PC: variants seen among roughly 807,000 people sequenced by gnomAD.
PC encodes pyruvate carboxylase.
Under a neutral mutation model 107.8 loss-of-function variants are expected in PC, and 46 were observed. That is an observed-to-expected ratio of 0.43 (90% CI 0.34 to 0.55). The LOEUF (loss-of-function observed/expected upper bound fraction) is 0.55. Ranked by LOEUF, PC falls within the 20% of genes least tolerant of loss-of-function variation. The pLI is 0.04. For missense variants in PC, 1,241 were observed against 1,643.1 expected (o/e 0.76, Z 4.23); for synonymous variants, 662 against 684.7 (o/e 0.97, Z 0.52).
rs745677173 is a variant in PC, at chr11:66,849,338, G to A, written c.3180C>T (p.Ile1060=). The change falls in exon 22 of 23, where the codon ATC becomes ATT. Residue 1060 remains isoleucine (I), a synonymous_variant. Transcript: ENST00000393960. ...VELERGKTLH[I]KALAVSDLNR... Reference sequence around the variant, plus strand: ...TCAGGTCGCTCACGGCCAGGGCTTTGATGTGCAGCGTCTTGCCCCGCTCCA... The same window carrying A: ...TCAGGTCGCTCACGGCCAGGGCTTTAATGTGCAGCGTCTTGCCCCGCTCCA... 10 of 1,613,416 alleles carry A rather than the reference G, an allele frequency of 6.2e-6. No individual in the cohort carries two copies. Among genetic ancestry groups the A allele is most frequent in the Non-Finnish European group, 8.5e-6 (10 of 1,180,036 alleles).
At chr11:66,860,651 G>A (rs1157994790) in intron 12 of PC, 3 of 701,730 alleles carry the variant, frequency 4.3e-6, no homozygotes, top group Non-Finnish European at 5.2e-6. Flanking sequence ...GCCAAGGGCT[G>A]TGCCTGGTGT....
chr11:66,869,704 A>T (rs1455180395), intron 9 of PC, among the ~76,000 whole-genome samples: 1 of 152,110 alleles, frequency 6.6e-6, no homozygotes, highest in African/African-American at 2.4e-5. Flanking sequence ...GCCAGGGAAG[A>T]AGAGGGGGCA....
chr11:66,938,428 TC>T (rs1207615577), intron 3 of PC, among the ~76,000 whole-genome samples: 1 of 152,054 alleles, frequency 6.6e-6, no homozygotes, highest in Non-Finnish European at 1.5e-5. Flanking sequence ...GAGGTTTTCA[TC>T]CCCCAAAACA....
In PC at chr11:66,899,207, T is replaced by C. The variant is rs541417129; in HGVS notation, c.1-27048A>G. On this transcript the variant is annotated intron_variant, in intron 3 of 22. Transcript: ENST00000393960. ...TTCATATCAACAGAATCATAAATTA[T>C]GTGGGTTTTGGGTCTGGCTTCTTTC... Among the ~76,000 whole-genome samples, 81 of 152,220 alleles carry C rather than the reference T, an allele frequency of 5.3e-4. 2 individuals carry two copies. The highest frequency in any genetic ancestry group is 1.8e-3 in the African/African-American group (74 of 41,526).
At position 66,944,549 on chromosome 11, in the gene PC, T is replaced by C. The variant is rs757462668; in HGVS notation, c.-1+7881A>G. Among the ~76,000 whole-genome samples the C allele has an allele frequency of 1.6e-4, 18 of 115,206 alleles. 3 individuals are homozygous for C. The highest frequency in any genetic ancestry group is 3.5e-4 in the Non-Finnish European group (18 of 51,934). 75.6% of individuals were successfully genotyped at this position (115,206 alleles called of 152,430 possible). A position where few individuals can be genotyped will look rare whatever the true frequency, so the allele number is the denominator to read the frequency against. ...AGCCGAGATTGCACCACTGCATCCATCCTGGGTGACACAGCAAGACTGTCT... is the reference window on the plus strand; with the variant it reads ...AGCCGAGATTGCACCACTGCATCCACCCTGGGTGACACAGCAAGACTGTCT... On this transcript the variant is annotated intron_variant, in intron 3 of 22. Coordinates refer to ENST00000393960, the MANE Select transcript of PC (RefSeq NM_001040716.2).
At chr11:66,882,384 A>G (rs911101655) in intron 3 of PC, among the ~76,000 whole-genome samples, 1 of 152,230 alleles carries the variant, frequency 6.6e-6, no homozygotes, top group Non-Finnish European at 1.5e-5. Context: ...CTCAGAGGGC[A>G]GCAGTGGGCA....
intron 3 of PC, among the ~76,000 whole-genome samples, chr11:66,895,309 G>A (rs1947715886): frequency 6.6e-6 from 1 of 152,100 alleles, no homozygotes; most frequent in Admixed American, 6.5e-5. Context: ...ATCATGTACT[G>A]GTAAACTCAG....
At chr11:66,877,032 C>CTGAGCATCA (rs1291404603) in intron 3 of PC, among the ~76,000 whole-genome samples, 1 of 152,234 alleles carries the variant, frequency 6.6e-6, no homozygotes, top group African/African-American at 2.4e-5. Flanking sequence ...GCAGGCACTG[C>CTGAGCATCA]TGAGCATCAC....
chr11:66,849,045 C>T lies in PC; in HGVS notation c.3391G>A (p.Val1131Met), dbSNP rs116518022. ...IDIKVVAGAK[V>M]AKGQPLCVLS... ...ACACACAGGGGCTGGCCCTTGGCCA[C>T]CTTGGCCCCTGCCACCACTTTGATG... Residue 1131 changes from valine (V) to methionine (M), a missense_variant, in exon 23 of 23, where the codon GTG becomes ATG. Around this residue, in one of 2 missense-constraint regions of PC, gnomAD observed 98 missense variants for 91.2 expected, o/e 1.07. Coordinates refer to ENST00000393960, the MANE Select transcript of PC (RefSeq NM_001040716.2). The T allele has an allele frequency of 9.2e-5, 149 of 1,614,062 alleles. No individual in the cohort carries two copies. In the African/African-American group the frequency reaches 1.8e-3, roughly 19 times the overall value.
At chr11:66,948,071 G>A (rs1201963144) in intron 3 of PC, among the ~76,000 whole-genome samples, 5 of 148,312 alleles carry the variant, frequency 3.4e-5, no homozygotes, top group South Asian at 2.1e-4. Context: ...AGATATGCCA[G>A]GCGTAGTGGC....
At chr11:66,873,503 A>C (rs1467201423) in intron 3 of PC, among the ~76,000 whole-genome samples, 2 of 8,380 alleles carry the variant, frequency 2.4e-4, no homozygotes, top group African/African-American at 7.3e-4. Context: ...ATATTATATA[A>C]TATTATATAT....
At position 66,858,531 on chromosome 11, in the gene PC, CTGGCCGGCCGCTACTT is replaced by C; in HGVS notation, c.1369-5164_1369-5149del. 2 of 1,533,890 alleles carry C rather than the reference CTGGCCGGCCGCTACTT, an allele frequency of 1.3e-6. No homozygotes were observed. The highest frequency in any genetic ancestry group is 1.7e-6 in the Non-Finnish European group (2 of 1,145,388). ...GGAAACGTGCGCCTCCCCGCCCGGC[CTGGCCGGCCGCTACTT>C]CTGGGCAGTGCCCGAGGGCGAGTTC... On this transcript the variant is annotated intron_variant, in intron 12 of 22. Coordinates refer to ENST00000393960, the MANE Select transcript of PC (RefSeq NM_001040716.2). The surrounding 1 kb of genome is among the most constrained non-coding windows in gnomAD (Gnocchi z 5.9).
In PC at chr11:66,849,259, T is replaced by A; in HGVS notation, c.3259A>T (p.Ile1087Phe). 1 of 1,613,682 alleles carries A rather than the reference T, an allele frequency of 6.2e-7. No individual in the cohort carries two copies. ...ATGGCCTGGGTGTCCTTGACCAAGA[T>A]GGACCGCAGCTGCCCATTGAGCTCA... is the stretch of plus-strand genomic sequence containing the variant. Reference protein sequence around the residue: ...FFELNGQLRSILVKDTQAMKE... With the variant: ...FFELNGQLRSFLVKDTQAMKE... Residue 1087 changes from isoleucine (I) to phenylalanine (F), a missense_variant, in exon 22 of 23, where the codon ATC (isoleucine) becomes TTC (phenylalanine). Around this residue, in one of 2 missense-constraint regions of PC, gnomAD observed 1,143 missense variants for 1,551.9 expected, o/e 0.74. Coordinates refer to ENST00000393960, the MANE Select transcript of PC (RefSeq NM_001040716.2).
chr11:66,939,399 A>G (rs1224920387), intron 3 of PC, among the ~76,000 whole-genome samples: 1 of 152,140 alleles, frequency 6.6e-6, no homozygotes, highest in Non-Finnish European at 1.5e-5. Context: ...TCTTGGAACC[A>G]GTCCCCAGGG....
chr11:66,900,661 G>T (rs1947920342), intron 3 of PC, among the ~76,000 whole-genome samples: 1 of 151,908 alleles, frequency 6.6e-6, no homozygotes, highest in Non-Finnish European at 1.5e-5. Context: ...CATTTATTTG[G>T]GTCTTCTTTA....
intron 3 of PC, among the ~76,000 whole-genome samples, chr11:66,890,468 CAAAAAATA>C (rs1208859811): frequency 6.3e-5 from 9 of 143,114 alleles, no homozygotes; most frequent in African/African-American, 2.3e-4. Flanking sequence ...GACTCCATCT[CAAAAAATA>C]AATAAATAAA....
chr11:66,906,596 C>G (rs1177478826), intron 3 of PC, among the ~76,000 whole-genome samples: 6 of 152,186 alleles, frequency 3.9e-5, no homozygotes, highest in African/African-American at 1.4e-4. Context: ...GAAGCATACA[C>G]AGATGTCCAC....
At chr11:66,914,496 G>A (rs952915264) in intron 3 of PC, among the ~76,000 whole-genome samples, 2 of 146,408 alleles carry the variant, frequency 1.4e-5, no homozygotes, top group East Asian at 4.0e-4. Flanking sequence ...GGGCAACAAG[G>A]GTGAAACTCT....
At chr11:66,931,435 G>A (rs1003581766) in intron 3 of PC, among the ~76,000 whole-genome samples, 9 of 151,476 alleles carry the variant, frequency 5.9e-5, no homozygotes, top group African/African-American at 2.4e-5. Context: ...GACTTCAACC[G>A]GGGAGGGAAC....
Sources: allele counts gnomAD v4.1 joint callset (sites outside exome capture counted in the v4.1 genomes callset), GRCh38; gene constraint gnomAD v4.1.1; regional missense constraint gnomAD v4.1.1; non-coding constraint Gnocchi (gnomAD v3.1); transcripts MANE v1.5; gene names NCBI Gene and HGNC (gene_info 2026-07-23, HGNC 2026-07-21).